Variants in NLRP4 observed in about 807,000 individuals in gnomAD.
NLRP4 encodes the protein NACHT, LRR and PYD domains-containing protein 4.
Under a neutral mutation model 84.7 loss-of-function variants are expected in NLRP4, and 44 were observed. The observed-to-expected ratio is 0.52, with a 90% CI of 0.41 to 0.67. NLRP4 has a LOEUF of 0.67. NLRP4 is among the 30% of genes least tolerant of loss of function. The pLI is 0.00. For synonymous variants in NLRP4, 544 were observed against 476.4 expected (o/e 1.14, Z -1.85); for missense variants, 1,260 against 1,219.4 (o/e 1.03, Z -0.50).
intron 1 of NLRP4, among the ~76,000 whole-genome samples, chr19:55,839,246 A>G (rs1235927204): frequency 6.6e-6 from 1 of 151,750 alleles, no homozygotes; most frequent in Admixed American, 6.6e-5. Flanking sequence ...TTTCTGTTCC[A>G]GTGTTAATTT....
In NLRP4 at chr19:55,873,002, T is replaced by C. The variant is rs115264839; in HGVS notation, c.2525+2005T>C. On this transcript the variant is annotated intron_variant, in intron 7 of 9. Transcript: ENST00000301295. Reference sequence around the variant, plus strand: ...AACCAGAGGGCAGTACAGTGAGATATTCAGTATGGCGGGGAGACGGGAGGG... The same window carrying C: ...AACCAGAGGGCAGTACAGTGAGATACTCAGTATGGCGGGGAGACGGGAGGG... Among the ~76,000 whole-genome samples, 1,237 of 152,254 alleles carry C rather than the reference T, an allele frequency of 8.1e-3. 17 individuals are homozygous for C. The highest frequency in any genetic ancestry group is 0.028 in the African/African-American group (1,170 of 41,552).
rs1228636452 is a variant in NLRP4 at position 55,858,629 on chromosome 19, T to C, written c.1236T>C (p.Phe412=). 3.1e-6 allele frequency: 5 copies of C among 1,614,164 alleles called. No individual in the cohort carries two copies. The highest frequency in any genetic ancestry group is 4.2e-6 in the Non-Finnish European group (5 of 1,180,024). Residue 412 remains phenylalanine (F), a synonymous_variant, in exon 3 of 10, where the codon TTT becomes TTC. Transcript: ENST00000301295. The surrounding 1 kb of genome is among the most constrained non-coding windows in gnomAD (Gnocchi z 4.2). ...LAAEGMWTDT[F]EFCEDDLRRN... ...CAGAGGGTATGTGGACAGACACATT[T>C]GAGTTTTGTGAAGACGACCTCCGGA...
rs1568659465 is a variant in NLRP4 at position 55,850,892 on chromosome 19, TGGCTGCGGTGTAATGTCCGA to T, written c.-65-1104_-65-1085del. 1.6e-3 allele frequency among the ~76,000 whole-genome samples: 63 copies of T among 38,432 alleles called. 10 individuals carry two copies. Among genetic ancestry groups the T allele is most frequent in the Admixed American group, 6.3e-3 (19 of 2,998 alleles). The allele number at this position is 38,432 out of a possible 152,430, so 25.2% of individuals were successfully genotyped here. ...TTACGAGGCTGCGGTGTAATGTCCG[TGGCTGCGGTGTAATGTCCGA>T]GGCTGCGGTGTAATGTCCGTGGCTG... On this transcript the variant is annotated intron_variant, in intron 1 of 9. Transcript: ENST00000301295.
Position 55,862,042 on chromosome 19 carries a change from T to C in NLRP4, c.2069T>C (p.Leu690Pro), listed in dbSNP as rs1361545844. 2 of 1,613,602 alleles carry C rather than the reference T, an allele frequency of 1.2e-6. No homozygotes were observed. The highest frequency in any genetic ancestry group is 1.1e-5 in the South Asian group (1 of 91,064). ...SGQSVLLFEV[L>P]FYQPDLKYLS... ...CAGAGTGTTCTGCTCTTTGAGGTGC[T>C]CTTTTATCAGCCAGACTTGAAATAC... Residue 690 changes from leucine to proline, a missense_variant, in exon 5 of 10, where the codon CTC becomes CCC. This residue lies in a region of NLRP4 where 544 missense variants were observed against 531.7 expected (regional missense o/e 1.02). Transcript: ENST00000301295.
At chr19:55,878,310 C>T (rs1449246475) in intron 8 of NLRP4, among the ~76,000 whole-genome samples, 1 of 152,090 alleles carries the variant, frequency 6.6e-6, no homozygotes, top group Non-Finnish European at 1.5e-5. Context: ...GTCCCAGCTA[C>T]TCAGGAGGCT....
intron 2 of NLRP4, among the ~76,000 whole-genome samples, chr19:55,852,982 T>C (rs1382321443): frequency 6.6e-6 from 1 of 152,230 alleles, no homozygotes; most frequent in East Asian, 1.9e-4. Context: ...CCTGACTTAT[T>C]TGCAAGAGCA....
At chr19:55,862,916 C>T (rs1051504242) in intron 5 of NLRP4, among the ~76,000 whole-genome samples, 35 of 152,204 alleles carry the variant, frequency 2.3e-4, no homozygotes, top group Admixed American at 9.8e-4. Context: ...GTAGCCATTT[C>T]GGAAAACTGT....
intron 3 of NLRP4, among the ~76,000 whole-genome samples, chr19:55,860,355 G>T (rs894969998): frequency 3.3e-5 from 5 of 152,208 alleles, no homozygotes; most frequent in Admixed American, 3.3e-4. Context: ...GCAGGAGGAT[G>T]CTTGAAGCCA....
At chr19:55,845,619 T>C (rs1983763390) in intron 1 of NLRP4, among the ~76,000 whole-genome samples, 2 of 152,058 alleles carry the variant, frequency 1.3e-5, no homozygotes, top group African/African-American at 2.4e-5. Flanking sequence ...TCCACAATGG[T>C]TGAACTAGTT....
In NLRP4 at chr19:55,850,829, C is replaced by CCCGAGGCTGCGGTGTAATTTA. The variant is rs1984086567; in HGVS notation, c.-65-1186_-65-1185insCGAGGCTGCGGTGTAATTTAC. On this transcript the variant is annotated intron_variant, in intron 1 of 9. Transcript: ENST00000301295. ...AATTTCCGAGGCTGCGGTGTAATGT[C>CCCGAGGCTGCGGTGTAATTTA]CGAGGCTGCGGTGTAATTTACGAGG... is the stretch of plus-strand genomic sequence containing the variant. Among the ~76,000 whole-genome samples the CCCGAGGCTGCGGTGTAATTTA allele has an allele frequency of 9.4e-5, 9 of 95,724 alleles. 1 individual carries two copies. Among genetic ancestry groups the CCCGAGGCTGCGGTGTAATTTA allele is most frequent in the East Asian group, 2.9e-4 (1 of 3,472 alleles). 62.8% of individuals were successfully genotyped at this position (95,724 alleles called of 152,430 possible).
chr19:55,865,722 C>T (rs1278809830), intron 5 of NLRP4, among the ~76,000 whole-genome samples: 1 of 152,064 alleles, frequency 6.6e-6, no homozygotes, highest in East Asian at 1.9e-4. Context: ...GATTAATGAG[C>T]ATTTCTTCAT....
chr19:55,866,567 C>T (rs79933107), intron 5 of NLRP4, among the ~76,000 whole-genome samples: 6,986 of 152,254 alleles, frequency 0.046, 401 homozygotes, highest in African/African-American at 0.14. Context: ...TTAAACCACA[C>T]AGTTGTGAGG....
rs558975416 is a variant in NLRP4, at chr19:55,873,826, T to C, written c.2525+2829T>C. Among the ~76,000 whole-genome samples the C allele has an allele frequency of 1.8e-3, 279 of 152,278 alleles. 2 individuals carry two copies. The highest frequency in any genetic ancestry group is 6.4e-3 in the African/African-American group (267 of 41,562). ...AAGGTGAACATAATTACTTCCCATA[T>C]AGAGTCCAGGAATCTAAGAGAAATC... On this transcript the variant is annotated intron_variant, in intron 7 of 9. Transcript: ENST00000301295.
intron 5 of NLRP4, among the ~76,000 whole-genome samples, chr19:55,863,535 G>C (rs1366766407): frequency 6.6e-6 from 1 of 152,056 alleles, no homozygotes; most frequent in Admixed American, 6.6e-5. Flanking sequence ...TCTGTCACAG[G>C]AACAGCTCTA....
Position 55,871,003 on chromosome 19 carries a change from C to G in NLRP4, c.2525+6C>G. The G allele has an allele frequency of 1.2e-6, 2 of 1,612,474 alleles. No homozygotes were observed. The highest frequency in any genetic ancestry group is 8.5e-7 in the Non-Finnish European group (1 of 1,178,726). On this transcript the variant is annotated splice_donor_region_variant and intron_variant, in intron 7 of 9. Coordinates refer to ENST00000301295, the MANE Select transcript of NLRP4 (RefSeq NM_134444.5). The stretch of plus-strand genomic sequence containing the variant: ...TGCTGCCTGGATTCACTGTGGTAGG[C>G]TTTTTGCTGTTTCTTTGAAGACCAA...
In NLRP4 at chr19:55,842,291, A is replaced by G. The variant is rs138921291; in HGVS notation, c.-66+5357A>G. ...GCAATTATTCTGTGTAATTACTAAT[A>G]AGAGTTCGAGTTGACCATCACTTTT... On this transcript the variant is annotated intron_variant, in intron 1 of 9. Transcript: ENST00000301295. Among the ~76,000 whole-genome samples the G allele has an allele frequency of 1.3e-4, 20 of 152,350 alleles. No homozygotes were observed. In the East Asian group the frequency reaches 3.9e-3, roughly 29 times the overall value.
chr19:55,857,369 C>A, intron 2 of NLRP4: 6 of 370,740 alleles, frequency 1.6e-5, no homozygotes, highest in African/African-American at 2.3e-5. Flanking sequence ...CTATTGAAAG[C>A]AGAAGTTGTC....
intron 5 of NLRP4, 107 bp from the exon 6 acceptor site, chr19:55,867,602 C>G: frequency 1.0e-6 from 1 of 972,698 alleles, no homozygotes; most frequent in Non-Finnish European, 1.6e-6. Context: ...GGCAGTGAGC[C>G]TCTCAAGGAC....
intron 1 of NLRP4, among the ~76,000 whole-genome samples, chr19:55,849,716 A>G (rs564231634): frequency 6.6e-6 from 1 of 152,328 alleles, no homozygotes; most frequent in Non-Finnish European, 1.5e-5. Flanking sequence ...AGAAAAATGT[A>G]ATTTCTATAT....
Sources: gnomAD v4.1 joint callset for allele counts (sites outside exome capture counted in the v4.1 genomes callset) on GRCh38, gnomAD v4.1.1 for gene constraint, gnomAD v4.1.1 regional missense constraint, Gnocchi (gnomAD v3.1) non-coding constraint, MANE v1.5 for transcripts, NCBI Gene and HGNC (gene_info 2026-07-23, HGNC 2026-07-21) for gene names.